Variants in SLCO3A1 observed in about 807,000 individuals in gnomAD.
SLCO3A1 encodes PGE1 transporter.
Under a neutral mutation model 63.1 loss-of-function variants are expected in SLCO3A1, and 27 were observed. The ratio of observed to expected loss-of-function variants is 0.43; its 90% confidence interval spans 0.32 to 0.59. The LOEUF (loss-of-function observed/expected upper bound fraction) is 0.59. Among genes scored for constraint, SLCO3A1 ranks in the 20% least tolerant of loss-of-function variants. The pLI is 0.09. For synonymous variants in SLCO3A1, 473 were observed against 409.9 expected (o/e 1.15, Z -1.86); for missense variants, 773 against 945.8 (o/e 0.82, Z 2.40).
At chr15:92,071,627 C>T (rs1596075018) in intron 2 of SLCO3A1, among the ~76,000 whole-genome samples, 2 of 152,150 alleles carry the variant, frequency 1.3e-5, no homozygotes, top group South Asian at 2.1e-4. Context: ...AACACTGGCC[C>T]GGCAGTGTAG....
rs2151487078 is a variant in SLCO3A1, at chr15:92,040,354, GTTCTT to G, written c.647-54525_647-54521del. ...TATTCAAAGGCATGGAAACAGATCAGTTCTTTGAATGTTTCAGGTTCCATTCAGAT... is the reference window on the plus strand; with the variant it reads ...TATTCAAAGGCATGGAAACAGATCAGTGAATGTTTCAGGTTCCATTCAGAT... On this transcript the variant is annotated intron_variant, in intron 2 of 9. Transcript: ENST00000318445. Among the ~76,000 whole-genome samples, 2 of 152,310 alleles carry G rather than the reference GTTCTT, an allele frequency of 1.3e-5. 1 individual carries two copies. Among genetic ancestry groups the G allele is most frequent in the South Asian group, 4.1e-4 (2 of 4,828 alleles).
Position 91,916,677 on chromosome 15 carries a change from C to A in SLCO3A1, c.646+219C>A, listed in dbSNP as rs1898673134. The stretch of plus-strand genomic sequence containing the variant: ...CTTGTGAGCGGCCGAATTTGAGCTC[C>A]ACGGGGCTAGACCACTAACACCGCT... On this transcript the variant is annotated intron_variant, in intron 2 of 9. Transcript: ENST00000318445. The surrounding 1 kb of genome is among the most constrained non-coding windows in gnomAD (Gnocchi z 6.2). Among the ~76,000 whole-genome samples the A allele has an allele frequency of 6.6e-6, 1 of 152,166 alleles. No individual in the cohort carries two copies. The highest frequency in any genetic ancestry group is 2.1e-4 in the South Asian group (1 of 4,834).
At chr15:91,992,994 G>T (rs1471009142) in intron 2 of SLCO3A1, among the ~76,000 whole-genome samples, 1 of 152,124 alleles carries the variant, frequency 6.6e-6, no homozygotes, top group African/African-American at 2.4e-5. Flanking sequence ...GGAATCCAGG[G>T]CCCCTTATAA....
In SLCO3A1 at chr15:92,162,898, G is replaced by T; in HGVS notation, c.1896G>T (p.Ala632=). 1.2e-6 allele frequency: 2 copies of T among 1,614,174 alleles called. No homozygotes were observed. Among genetic ancestry groups the T allele is most frequent in the South Asian group, 1.1e-5 (1 of 91,082 alleles). The change falls in exon 10 of 10, where the codon GCG becomes GCT. Residue 632 remains alanine, a synonymous_variant. Transcript: ENST00000318445. ...YRYLYVSIAI[A]LKSFAFILYT... ...ACCTGTATGTCAGCATCGCCATCGC[G>T]CTCAAATCCTTCGCCTTCATCCTGT...
rs200180533 is a variant in SLCO3A1 at position 92,104,497 on chromosome 15, C to T, written c.964C>T (p.Pro322Ser). 2 of 1,613,964 alleles carry T rather than the reference C, an allele frequency of 1.2e-6. No individual in the cohort carries two copies. Among genetic ancestry groups the T allele is most frequent in the East Asian group, 2.2e-5 (1 of 44,860 alleles). Residue 322 changes from proline (P) to serine (S), a missense_variant, in exon 4 of 10, where the codon CCC becomes TCC. Pro to Ser is a moderately conservative substitution (Grantham distance 74). Coordinates refer to ENST00000318445, the MANE Select transcript of SLCO3A1 (RefSeq NM_013272.4). ...PKPSNGVLRH[P>S]LEPDSSASCF... is the part of the protein sequence containing the mutation. The stretch of plus-strand genomic sequence containing the variant: ...GCCCAGCAACGGGGTCCTGAGGCAC[C>T]CCCTGGAGCCAGACAGCAGTGCCTC...
intron 4 of SLCO3A1, among the ~76,000 whole-genome samples, chr15:92,113,641 A>G (rs541582989): frequency 6.6e-6 from 1 of 152,276 alleles, no homozygotes; most frequent in Admixed American, 6.5e-5. Context: ...TTAGGAGGCA[A>G]GTTCATCCGC....
intron 1 of SLCO3A1, among the ~76,000 whole-genome samples, chr15:91,906,243 T>A (rs1898304598): frequency 6.6e-6 from 1 of 151,722 alleles, no homozygotes; most frequent in African/African-American, 2.4e-5. Context: ...GCTAGACACT[T>A]GTCTCCTCAG....
chr15:92,000,200 G>A (rs1397833008), intron 2 of SLCO3A1, among the ~76,000 whole-genome samples: 2 of 151,986 alleles, frequency 1.3e-5, no homozygotes, highest in Non-Finnish European at 2.9e-5. Context: ...GGGCATGTGT[G>A]TATAGATATA....
chr15:92,140,528 A>G (rs2048116880), intron 7 of SLCO3A1, among the ~76,000 whole-genome samples: 1 of 151,936 alleles, frequency 6.6e-6, no homozygotes, highest in Non-Finnish European at 1.5e-5. Context: ...ATTCCTGGGT[A>G]TCCTTGTTGA....
rs894842491 is a variant in SLCO3A1, at chr15:91,883,052, G to A, written c.180+28964G>A. Among the ~76,000 whole-genome samples the A allele has an allele frequency of 6.6e-6, 1 of 152,236 alleles. No homozygotes were observed. Among genetic ancestry groups the A allele is most frequent in the South Asian group, 2.1e-4 (1 of 4,834 alleles). On this transcript the variant is annotated intron_variant, in intron 1 of 9. Transcript: ENST00000318445. The surrounding 1 kb of genome is among the most constrained non-coding windows in gnomAD (Gnocchi z 4.8). ...AGGCGCCATCCACTGTAAACAGAGA[G>A]GAGAATGGTGAGGACTTGGGAAGGA...
chr15:91,908,454 A>G (rs1283461885), intron 1 of SLCO3A1: 1 of 152,164 alleles, frequency 6.6e-6, no homozygotes, highest in Non-Finnish European at 1.5e-5. Flanking sequence ...CACCATAGCC[A>G]TGACAAGAGG....
At chr15:91,975,876 A>G (rs1477360590) in intron 2 of SLCO3A1, among the ~76,000 whole-genome samples, 1 of 152,218 alleles carries the variant, frequency 6.6e-6, no homozygotes, top group Non-Finnish European at 1.5e-5. Context: ...CCCTGGCCCC[A>G]GAGGTAAAAG....
chr15:92,133,077 G>A (rs1198376373), intron 7 of SLCO3A1, among the ~76,000 whole-genome samples: 1 of 145,822 alleles, frequency 6.9e-6, no homozygotes, highest in East Asian at 1.9e-4. Flanking sequence ...GGATTGTCAT[G>A]AGGCGCTGCC....
intron 2 of SLCO3A1, among the ~76,000 whole-genome samples, chr15:91,956,830 C>G (rs1900197738): frequency 7.6e-6 from 1 of 131,644 alleles, no homozygotes; most frequent in South Asian, 2.5e-4. Flanking sequence ...CGCTCTGTCA[C>G]CCAGGCTGGA....
In SLCO3A1 at chr15:92,132,179, C is replaced by T. The variant is rs2048004473; in HGVS notation, c.1512+3690C>T. On this transcript the variant is annotated intron_variant, in intron 7 of 9. Coordinates refer to ENST00000318445, the MANE Select transcript of SLCO3A1 (RefSeq NM_013272.4). ...GTACTAAAGACCTGATCCTTGCTCG[C>T]CACTCACCACTTTATCGTTTCCATC... Among the ~76,000 whole-genome samples, 4 of 145,612 alleles carry T rather than the reference C, an allele frequency of 2.7e-5. 1 individual carries two copies. The South Asian group carries it at 8.7e-4, about 32-fold the overall frequency.
chr15:91,922,187 C>T (rs563308810), intron 2 of SLCO3A1, among the ~76,000 whole-genome samples: 234 of 137,346 alleles, frequency 1.7e-3, no homozygotes, highest in East Asian at 7.8e-4. Context: ...CAGACACACG[C>T]GCGTGCACGC....
chr15:92,163,850 G>A lies in SLCO3A1; in HGVS notation c.*715G>A, dbSNP rs1181511491. 1 of 985,452 alleles carries A rather than the reference G, an allele frequency of 1.0e-6. No individual in the cohort carries two copies. The highest frequency in any genetic ancestry group is 1.1e-4 in the East Asian group (1 of 8,812). 61.0% of individuals were successfully genotyped at this position (985,452 alleles called of 1,614,324 possible). A position where few individuals can be genotyped will look rare whatever the true frequency, so the allele number is the denominator to read the frequency against. On this transcript the variant is annotated 3_prime_UTR_variant, in exon 10 of 10. Coordinates refer to ENST00000318445, the MANE Select transcript of SLCO3A1 (RefSeq NM_013272.4). ...TTTCCATGTTCAAGACTGAGGGCCT[G>A]AGGGGGAGCCAGGTGGGGGGCCAGC...
chr15:92,097,577 T>C (rs1431766860), intron 3 of SLCO3A1, among the ~76,000 whole-genome samples: 1 of 152,230 alleles, frequency 6.6e-6, no homozygotes, highest in Non-Finnish European at 1.5e-5. Context: ...GGTGCCTGCA[T>C]GGATGTAAGG....
rs1045499639 is a variant in SLCO3A1 at position 91,859,291 on chromosome 15, A to G, written c.180+5203A>G. On this transcript the variant is annotated intron_variant, in intron 1 of 9. Transcript: ENST00000318445. This position sits in a 1 kb window ranked among gnomAD's most constrained non-coding sequence, Gnocchi z 5.1. ...CTTTGGTAATCTGTAGGCCAGAAAG[A>G]TAGCATCCTTACTCTTTCAATTCAT... 1.1e-4 allele frequency among the ~76,000 whole-genome samples: 17 copies of G among 152,306 alleles called. No homozygotes were observed. Among genetic ancestry groups the G allele is most frequent in the Admixed American group, 1.0e-3 (16 of 15,300 alleles).
Sources: allele counts gnomAD v4.1 joint callset (sites outside exome capture counted in the v4.1 genomes callset), GRCh38; gene constraint gnomAD v4.1.1; non-coding constraint Gnocchi (gnomAD v3.1); transcripts MANE v1.5; gene names NCBI Gene and HGNC (gene_info 2026-07-23, HGNC 2026-07-21).